The following DDX11 variants were observed in gnomAD, a reference collection of about 807,000 sequenced individuals.
DDX11 encodes DEAD/H-box helicase 11, also known as ATP-dependent DNA helicase DDX11.
In DDX11, 72 loss-of-function variants were observed where a neutral mutation model predicts 125.2. The ratio of observed to expected loss-of-function variants is 0.58; its 90% CI spans 0.48 to 0.70. DDX11 has a LOEUF of 0.70. Ranked by LOEUF, DDX11 falls within the 30% of genes least tolerant of loss-of-function variation. The probability of loss-of-function intolerance (pLI) is 0.00; values close to 1 mark genes in which losing one functional copy is unlikely to be tolerated. For synonymous variants in DDX11, 347 were observed against 452.6 expected (o/e 0.77, Z 2.96); for missense variants, 883 against 1,165.0 (o/e 0.76, Z 3.52).
At chr12:31,090,159 G>T (rs1196718911) in intron 9 of DDX11, 65 bp downstream of exon 9, 37 of 1,477,498 alleles carry the variant, frequency 2.5e-5, no homozygotes, top group African/African-American at 1.8e-4. Flanking sequence ...CATGAGGGGG[G>T]TCCTCATCAC....
intron 8 of DDX11, 84 bp from the exon 9 acceptor site, chr12:31,089,802 C>T (rs918183202): frequency 8.3e-5 from 129 of 1,555,146 alleles, no homozygotes; most frequent in Non-Finnish European, 1.0e-4. Flanking sequence ...GGAAGTGGGT[C>T]TCAACATTAC....
intron 18 of DDX11, 170 bp from the exon 19 acceptor site, chr12:31,100,465 A>G: frequency 1.7e-6 from 1 of 587,204 alleles, no homozygotes; most frequent in South Asian, 2.2e-5. Context: ...GACTGCCAGC[A>G]CTGGGTATCA....
chr12:31,100,490 T>G, intron 18 of DDX11, 145 bp from the exon 19 acceptor site: 1 of 669,030 alleles, frequency 1.5e-6, no homozygotes, highest in Non-Finnish European at 2.5e-6. Flanking sequence ...CCATTTTTCT[T>G]TTTGTTAGTT....
intron 5 of DDX11, among the ~76,000 whole-genome samples, chr12:31,085,409 G>T (rs1942938360): frequency 6.6e-6 from 1 of 152,252 alleles, no homozygotes; most frequent in South Asian, 2.1e-4. Context: ...GCCCCACAAG[G>T]AGAGACTCCT....
intron 9 of DDX11, chr12:31,091,236 G>C (rs1944152072): frequency 6.5e-6 from 1 of 152,714 alleles, no homozygotes; most frequent in African/African-American, 2.4e-5. Context: ...TGTTACCCCA[G>C]CTCCACGCCT....
chr12:31,087,843 G>A, intron 5 of DDX11, 95 bp from the exon 6 acceptor site: 10 of 1,521,868 alleles, frequency 6.6e-6, no homozygotes, highest in Non-Finnish European at 8.9e-6. Context: ...TGCTGGGAAT[G>A]GCCAGGGCTC....
At chr12:31,100,196 A>T (rs1347848486) in intron 18 of DDX11, among the ~76,000 whole-genome samples, 1 of 152,156 alleles carries the variant, frequency 6.6e-6, no homozygotes, top group Non-Finnish European at 1.5e-5. Flanking sequence ...ACTACTGTGA[A>T]ATTTCATGAG....
intron 2 of DDX11, among the ~76,000 whole-genome samples, chr12:31,080,858 C>G (rs759320098): frequency 6.6e-5 from 10 of 152,214 alleles, no homozygotes; most frequent in Non-Finnish European, 1.2e-4. Flanking sequence ...GATCTTCCCA[C>G]GTCAGCCTCC....
intron 16 of DDX11, 54 bp downstream of exon 16, chr12:31,096,799 C>T (rs1172671953): frequency 1.2e-6 from 2 of 1,614,124 alleles, no homozygotes; most frequent in African/African-American, 2.7e-5. Flanking sequence ...GCAAGGACTT[C>T]TGTTCCTCAT....
intron 14 of DDX11, among the ~76,000 whole-genome samples, 155 bp downstream of exon 14, chr12:31,094,977 A>G (rs1488804390): frequency 6.6e-6 from 1 of 152,224 alleles, no homozygotes; most frequent in Non-Finnish European, 1.5e-5. Flanking sequence ...GACAAAAGTC[A>G]TCTTCTTTTA....
In DDX11 at chr12:31,101,031, C is replaced by G. The variant is rs771730870; in HGVS notation, c.1953C>G (p.His651Gln). The change falls in exon 20 of 27, where the codon CAC (histidine) becomes CAG (glutamine). Residue 651 changes from histidine (H) to glutamine (Q), a missense_variant. This residue lies in a region of DDX11 where 285 missense variants were observed against 346.0 expected (regional missense o/e 0.82). Coordinates refer to ENST00000542838, the MANE Select transcript of DDX11 (RefSeq NM_030653.4). ...CCCCTCCCTGGCTCTTACCAGGTCA[C>G]GTGATCCCTCCAGACAACATCCTGC... ...AERVVEFSCG[H>Q]VIPPDNILPL... 1.2e-6 allele frequency: 2 copies of G among 1,613,830 alleles called. No homozygotes were observed. The highest frequency in any genetic ancestry group is 1.7e-6 in the Non-Finnish European group (2 of 1,179,700).
chr12:31,100,837 G>T (rs1057377889), intron 19 of DDX11, 130 bp downstream of exon 19: 5 of 1,130,386 alleles, frequency 4.4e-6, no homozygotes, highest in Non-Finnish European at 6.5e-6. Context: ...CTCACCCTTC[G>T]TGCGCTCGCC....
chr12:31,093,247 A>G lies in DDX11; in HGVS notation c.1292A>G (p.Lys431Arg), dbSNP rs770952035. 1.6e-5 allele frequency: 26 copies of G among 1,612,382 alleles called. No individual in the cohort carries two copies. In the South Asian group the frequency reaches 2.9e-4, roughly 18 times the overall value. The change falls in exon 12 of 27, where the codon AAG becomes AGG. Residue 431 changes from lysine to arginine, a missense_variant and splice_region_variant. Physicochemically the swap from Lys to Arg is conservative, Grantham distance 26 (BLOSUM62 2). Transcript: ENST00000542838. ...QLLQYVERYG[K>R]RLKAKNLMYL... Reference sequence around the variant, plus strand: ...AATGTCCGTTGGCTTCTTCTCAGGAAGCGTTTGAAGGCCAAGAACCTGATG... The same window carrying G: ...AATGTCCGTTGGCTTCTTCTCAGGAGGCGTTTGAAGGCCAAGAACCTGATG...
intron 17 of DDX11, 135 bp downstream of exon 17, chr12:31,097,125 T>C (rs1273260456): frequency 8.3e-7 from 1 of 1,198,226 alleles, no homozygotes; most frequent in Non-Finnish European, 1.2e-6. Context: ...CAGTGGGCAC[T>C]GGCCTGCTGT....
At chr12:31,101,367 G>T (rs1946347418) in intron 20 of DDX11, 1 of 587,280 alleles carries the variant, frequency 1.7e-6, no homozygotes, top group East Asian at 2.9e-5. Context: ...AAACCTCCAG[G>T]CATCCTCTGA....
chr12:31,101,866 T>C lies in DDX11; in HGVS notation c.2086T>C (p.Cys696Arg). ...DEVGRILCNL[C>R]GVVPGGVVCF... ...GGTGGGTCGCATTCTCTGTAACCTG[T>C]GCGGTGTGGTTCCTGGAGGGGTGGT... Residue 696 changes from cysteine (C) to arginine (R), a missense_variant, in exon 21 of 27, where the codon TGC becomes CGC. Around this residue, in one of 5 missense-constraint regions of DDX11, gnomAD observed 285 missense variants for 346.0 expected, o/e 0.82. Transcript: ENST00000542838. The C allele has an allele frequency of 6.2e-7, 1 of 1,613,958 alleles. No individual in the cohort carries two copies. The highest frequency in any genetic ancestry group is 8.5e-7 in the Non-Finnish European group (1 of 1,179,854).
Position 31,089,125 on chromosome 12 carries a change from C to T in DDX11, c.766C>T (p.Arg256Trp), listed in dbSNP as rs775060008. The T allele has an allele frequency of 3.7e-6, 6 of 1,613,784 alleles. No homozygotes were observed. Among genetic ancestry groups the T allele is most frequent in the Middle Eastern group, 1.7e-4 (1 of 6,056 alleles). The stretch of plus-strand genomic sequence containing the variant: ...GAAGAGCCCCTTTGGCAAGGATGTT[C>T]GGCTGGTCTCCCTTGGCTCCCGGCA... The part of the protein sequence containing the change: ...VKKSPFGKDV[R>W]LVSLGSRQNL... Residue 256 changes from arginine (R) to tryptophan (W), a missense_variant, in exon 7 of 27, where the codon CGG becomes TGG. Physicochemically the swap from Arg to Trp is moderately radical, Grantham distance 101. Around this residue, in one of 5 missense-constraint regions of DDX11, gnomAD observed 283 missense variants for 359.6 expected, o/e 0.79. Transcript: ENST00000542838.
In DDX11 at chr12:31,100,005, G is replaced by T. The variant is rs1372568535; in HGVS notation, c.1876-630G>T. Among the ~76,000 whole-genome samples the T allele has an allele frequency of 2.0e-5, 3 of 152,160 alleles. No homozygotes were observed. The East Asian group carries it at 5.8e-4, about 29-fold the overall frequency. On this transcript the variant is annotated intron_variant, in intron 18 of 26. Transcript: ENST00000542838. ...CATCGCTCCTCTAGTGGGCTGCGTG[G>T]TTCTCTGTTGGACAGATGTAGGGAG...
In DDX11 at chr12:31,089,740, G is replaced by A. The variant is rs572303612; in HGVS notation, c.881-146G>A. 96 of 1,440,646 alleles carry A rather than the reference G, an allele frequency of 6.7e-5. No homozygotes were observed. The East Asian group carries it at 6.7e-4, about 10-fold the overall frequency. The allele number at this position is 1,440,646 out of a possible 1,614,324, so 89.2% of individuals were successfully genotyped here. A position where few individuals can be genotyped will look rare whatever the true frequency, so the allele number is the denominator to read the frequency against. On this transcript the variant is annotated intron_variant, in intron 8 of 26. Coordinates refer to ENST00000542838, the MANE Select transcript of DDX11 (RefSeq NM_030653.4). ...CAGAAGTAAAACCTTACAGTGTTCC[G>A]ATGAGACCACAGTAGGCAGTACTTG...
Sources: gnomAD v4.1 joint callset for allele counts (sites outside exome capture counted in the v4.1 genomes callset) on GRCh38, gnomAD v4.1.1 for gene constraint, gnomAD v4.1.1 regional missense constraint, MANE v1.5 for transcripts, NCBI Gene and HGNC (gene_info 2026-07-23, HGNC 2026-07-21) for gene names.